The following FRS2 variants were observed in gnomAD, a reference collection of about 807,000 sequenced individuals.
The protein encoded by FRS2 is FGFR signalling adaptor.
FRS2 carries 8 observed loss-of-function variants against 43.9 expected under a neutral mutation model. That is an observed-to-expected ratio of 0.18 (90% CI 0.11 to 0.33). FRS2 has a LOEUF of 0.33. FRS2 is among the 10% of genes least tolerant of loss of function. FRS2 has a pLI of 1.00. For missense variants in FRS2, 534 were observed against 627.6 expected (o/e 0.85, Z 1.59); for synonymous variants, 219 against 220.3 (o/e 0.99, Z 0.05).
At chr12:69,553,293 G>A (rs780904441) in intron 3 of FRS2, among the ~76,000 whole-genome samples, 43 of 151,810 alleles carry the variant, frequency 2.8e-4, no homozygotes, top group Non-Finnish European at 5.6e-4. Context: ...GGATGGTCTC[G>A]AACTGCTCAC....
intron 1 of FRS2, among the ~76,000 whole-genome samples, chr12:69,516,506 C>A (rs1875058919): frequency 6.6e-6 from 1 of 152,220 alleles, no homozygotes; most frequent in Non-Finnish European, 1.5e-5. Flanking sequence ...GCGTGAGCCA[C>A]TGCGCCCGGC....
chr12:69,475,789 G>C (rs1005250195), intron 1 of FRS2, among the ~76,000 whole-genome samples: 11 of 152,096 alleles, frequency 7.2e-5, no homozygotes, highest in African/African-American at 2.4e-4. Flanking sequence ...TGTGGCTCCC[G>C]AAGTGCTGGA....
Position 69,577,880 on chromosome 12 carries a change from G to T in FRS2, c.*2925G>T, listed in dbSNP as rs1881295319. On this transcript the variant is annotated 3_prime_UTR_variant, in exon 9 of 9. Coordinates refer to ENST00000549921, the MANE Select transcript of FRS2 (RefSeq NM_001278356.2). Reference sequence around the variant, plus strand: ...TATATCCAGAATACATCATATCTGGGACTTAGGAAAATTTGCCAAGCAATC... The same window carrying T: ...TATATCCAGAATACATCATATCTGGTACTTAGGAAAATTTGCCAAGCAATC... 1 of 152,576 alleles carries T rather than the reference G, an allele frequency of 6.6e-6. No individual in the cohort carries two copies. Among genetic ancestry groups the T allele is most frequent in the East Asian group, 1.9e-4 (1 of 5,200 alleles). 9.5% of individuals were successfully genotyped at this position (152,576 alleles called of 1,614,324 possible). A position where few individuals can be genotyped will look rare whatever the true frequency, so the allele number is the denominator to read the frequency against.
At position 69,574,307 on chromosome 12, in the gene FRS2, T is replaced by C. The variant is rs1384089225; in HGVS notation, c.879T>C (p.Asp293=). The change falls in exon 9 of 9, where the codon GAT becomes GAC. Residue 293 remains aspartate (D), a synonymous_variant. Transcript: ENST00000549921. Reference sequence around the variant, plus strand: ...AATGGGACACTGGCTATGACAGTGATGAACGAAGAGATGCACCCTCTGTTA... The same window carrying C: ...AATGGGACACTGGCTATGACAGTGACGAACGAAGAGATGCACCCTCTGTTA... The part of the protein sequence containing the change: ...NTEWDTGYDS[D]ERRDAPSVNK... 6.2e-7 allele frequency: 1 copy of C among 1,614,060 alleles called. No individual in the cohort carries two copies. The highest frequency in any genetic ancestry group is 8.5e-7 in the Non-Finnish European group (1 of 1,179,978).
Position 69,574,442 on chromosome 12 carries a change from C to G in FRS2, c.1014C>G (p.Asn338Lys). 1 of 1,614,030 alleles carries G rather than the reference C, an allele frequency of 6.2e-7. No homozygotes were observed. Among genetic ancestry groups the G allele is most frequent in the Non-Finnish European group, 8.5e-7 (1 of 1,179,894 alleles). ...TSTSDTQNIN[N>K]SAQRRTALLN... ...CCTCAGATACCCAGAATATCAACAA[C>G]TCAGCTCAGAGAAGAACTGCATTAT... The change falls in exon 9 of 9, where the codon AAC (asparagine) becomes AAG (lysine). Residue 338 changes from asparagine to lysine, a missense_variant. Asn to Lys is a moderately conservative substitution (Grantham distance 94). This residue lies in a region of FRS2 where 446 missense variants were observed against 494.2 expected (regional missense o/e 0.90). Transcript: ENST00000549921.
chr12:69,476,276 C>G (rs1050419348), intron 1 of FRS2, among the ~76,000 whole-genome samples: 3 of 152,202 alleles, frequency 2.0e-5, no homozygotes, highest in African/African-American at 7.2e-5. Flanking sequence ...AGGAGCAGTT[C>G]AGACTGTTTT....
chr12:69,530,100 C>T (rs1402697279), intron 1 of FRS2, among the ~76,000 whole-genome samples: 2 of 152,010 alleles, frequency 1.3e-5, no homozygotes, highest in South Asian at 2.1e-4. Flanking sequence ...ACAAAAACCC[C>T]TTCTGTGGTT....
chr12:69,528,946 A>C lies in FRS2; in HGVS notation c.-260-1919A>C, dbSNP rs559127535. Among the ~76,000 whole-genome samples the C allele has an allele frequency of 4.5e-4, 68 of 152,316 alleles. 1 individual carries two copies. Among genetic ancestry groups the C allele is most frequent in the South Asian group, 1.7e-3 (8 of 4,828 alleles). On this transcript the variant is annotated intron_variant, in intron 1 of 8. Transcript: ENST00000549921. ...TGCTTGATAAGTTTAAGGAAAGGAAAGATGCTGGTATAGCTTGAATGGGGT... is the reference window on the plus strand; with the variant it reads ...TGCTTGATAAGTTTAAGGAAAGGAACGATGCTGGTATAGCTTGAATGGGGT...
At chr12:69,505,092 C>T (rs771728604) in intron 1 of FRS2, among the ~76,000 whole-genome samples, 16 of 152,212 alleles carry the variant, frequency 1.1e-4, no homozygotes, top group Non-Finnish European at 1.9e-4. Context: ...CTTCTGGCCT[C>T]TAGTGATCCT....
At chr12:69,534,149 G>A (rs898456477) in intron 3 of FRS2, among the ~76,000 whole-genome samples, 8 of 152,148 alleles carry the variant, frequency 5.3e-5, no homozygotes, top group African/African-American at 9.7e-5. Flanking sequence ...TTAAAAAGAC[G>A]TGGGTCTTCT....
At chr12:69,492,702 A>G (rs1247222768) in intron 1 of FRS2, among the ~76,000 whole-genome samples, 3 of 152,164 alleles carry the variant, frequency 2.0e-5, no homozygotes, top group Non-Finnish European at 2.9e-5. Context: ...TTCTTCCCTG[A>G]CGTGAAAACA....
At chr12:69,568,563 C>T (rs527732491) in intron 4 of FRS2, among the ~76,000 whole-genome samples, 18 of 152,062 alleles carry the variant, frequency 1.2e-4, no homozygotes, top group Non-Finnish European at 2.4e-4. Flanking sequence ...CTGTCTCTCT[C>T]TCTCTCTCTC....
At chr12:69,503,743 A>C (rs561019372) in intron 1 of FRS2, among the ~76,000 whole-genome samples, 1 of 152,296 alleles carries the variant, frequency 6.6e-6, no homozygotes, top group African/African-American at 2.4e-5. Context: ...TAGGAGTAAG[A>C]TGGGGAATGA....
At chr12:69,531,682 C>G (rs1338508382) in intron 2 of FRS2, among the ~76,000 whole-genome samples, 4 of 151,230 alleles carry the variant, frequency 2.6e-5, no homozygotes, top group Admixed American at 2.0e-4. Flanking sequence ...AAAAAAGGAC[C>G]CTTCAGAACA....
chr12:69,543,921 T>C (rs2135713082), intron 3 of FRS2, among the ~76,000 whole-genome samples: 1 of 152,236 alleles, frequency 6.6e-6, no homozygotes, highest in South Asian at 2.1e-4. Flanking sequence ...ATAGAGACCA[T>C]TGAAAAATCC....
At chr12:69,470,850 T>A (rs1335731085) in intron 1 of FRS2, among the ~76,000 whole-genome samples, 1 of 152,102 alleles carries the variant, frequency 6.6e-6, no homozygotes, top group Non-Finnish European at 1.5e-5. Flanking sequence ...ACCTCGCCGC[T>A]CCCTAGTTTG....
chr12:69,512,704 C>T (rs1051565543), intron 1 of FRS2, among the ~76,000 whole-genome samples: 1 of 152,148 alleles, frequency 6.6e-6, no homozygotes. Context: ...AATGATTTTA[C>T]TTTATAACAC....
At chr12:69,496,446 A>G (rs1432264601) in intron 1 of FRS2, among the ~76,000 whole-genome samples, 1 of 152,098 alleles carries the variant, frequency 6.6e-6, no homozygotes, top group Non-Finnish European at 1.5e-5. Flanking sequence ...CAAAAGAAAA[A>G]AAAAAGCTTG....
intron 1 of FRS2, among the ~76,000 whole-genome samples, chr12:69,516,270 G>A (rs1170672851): frequency 6.6e-6 from 1 of 150,696 alleles, no homozygotes; most frequent in Non-Finnish European, 1.5e-5. Context: ...CCAGGCTGGC[G>A]TGCAATGGCG....
Sources: gnomAD v4.1 joint callset for allele counts (sites outside exome capture counted in the v4.1 genomes callset) on GRCh38, gnomAD v4.1.1 for gene constraint, gnomAD v4.1.1 regional missense constraint, MANE v1.5 for transcripts, NCBI Gene and HGNC (gene_info 2026-07-23, HGNC 2026-07-21) for gene names.